Variants in MREG observed in about 807,000 individuals in gnomAD.
MREG encodes the protein dilute suppressor protein homolog.
In MREG, 31 loss-of-function variants were observed where a neutral mutation model predicts 28.5. The ratio of observed to expected loss-of-function variants is 1.09; its 90% CI spans 0.82 to 1.47. The LOEUF is 1.47. Among genes scored for constraint, MREG ranks in the 40% most tolerant of loss-of-function variants. The pLI is 0.00. For missense variants in MREG, 256 were observed against 257.4 expected, an observed-to-expected ratio of 0.99 and a Z score of 0.04; for synonymous variants, 106 against 95.2, an observed-to-expected ratio of 1.11 and a Z score of -0.66.
intron 1 of MREG, among the ~76,000 whole-genome samples, chr2:216,029,261 C>CCT (rs1317761084): frequency 2.6e-5 from 4 of 152,130 alleles, no homozygotes; most frequent in Non-Finnish European, 5.9e-5. Flanking sequence ...AGGCAGATCA[C>CCT]GAGGTCAAGA....
chr2:215,993,815 C>T (rs1272136979), intron 2 of MREG, among the ~76,000 whole-genome samples: 1 of 152,212 alleles, frequency 6.6e-6, no homozygotes, highest in Non-Finnish European at 1.5e-5. Context: ...ATGAAAAAAG[C>T]TCATCATCAC....
chr2:215,941,289 G>A (rs945511470), downstream of MREG, among the ~76,000 whole-genome samples: 10 of 152,182 alleles, frequency 6.6e-5, no homozygotes, highest in Non-Finnish European at 1.3e-4. Context: ...CTAAGTAGGG[G>A]GATGATTATT....
chr2:215,993,105 A>G (rs1193148415), intron 2 of MREG, among the ~76,000 whole-genome samples: 1 of 152,246 alleles, frequency 6.6e-6, no homozygotes, highest in Non-Finnish European at 1.5e-5. Context: ...CCGTATAGCC[A>G]AGACAATCCT....
chr2:215,998,309 A>G (rs960116988), intron 1 of MREG, among the ~76,000 whole-genome samples: 1 of 142,478 alleles, frequency 7.0e-6, no homozygotes, highest in Non-Finnish European at 1.5e-5. Flanking sequence ...CCATCTCACA[A>G]AAAAAAAAAA....
intron 1 of MREG, among the ~76,000 whole-genome samples, chr2:216,012,881 A>G (rs1297827978): frequency 6.6e-6 from 1 of 152,144 alleles, no homozygotes; most frequent in Admixed American, 6.6e-5. Context: ...ACTGTAATAT[A>G]CCGATCAAAT....
At chr2:215,977,113 G>A (rs1693283074) in intron 2 of MREG, among the ~76,000 whole-genome samples, 1 of 152,128 alleles carries the variant, frequency 6.6e-6, no homozygotes, top group Admixed American at 6.6e-5. Flanking sequence ...TGACCCATCA[G>A]GGTGCTGTAT....
intron 2 of MREG, among the ~76,000 whole-genome samples, chr2:215,970,193 G>C (rs929333966): frequency 6.6e-6 from 1 of 152,110 alleles, no homozygotes; most frequent in African/African-American, 2.4e-5. Flanking sequence ...CCAATAAGAA[G>C]GGGAAATTTA....
At position 215,944,849 on chromosome 2, in the gene MREG, C is replaced by A; in HGVS notation, c.*14G>T. On this transcript the variant is annotated 3_prime_UTR_variant, in exon 5 of 5. Coordinates refer to ENST00000263268, the MANE Select transcript of MREG (RefSeq NM_018000.3). ...CTCATGGAAGAATTCCCATTCTGCC[C>A]CTGAGCCTCTCCTTTAGGGACTTGG... The A allele has an allele frequency of 1.3e-6, 2 of 1,571,208 alleles. No individual in the cohort carries two copies. Among genetic ancestry groups the A allele is most frequent in the South Asian group, 1.1e-5 (1 of 87,902 alleles).
intron 2 of MREG, among the ~76,000 whole-genome samples, chr2:215,972,884 G>A (rs774342858): frequency 6.6e-6 from 1 of 152,114 alleles, no homozygotes; most frequent in Non-Finnish European, 1.5e-5. Flanking sequence ...AAATTCATCC[G>A]CCATTCACAC....
At position 216,013,421 on chromosome 2, in the gene MREG, A is replaced by G. The variant is rs1694372014; in HGVS notation, c.-94T>C. 1.2e-6 allele frequency: 1 copy of G among 853,682 alleles called. No homozygotes were observed. Among genetic ancestry groups the G allele is most frequent in the Non-Finnish European group, 1.6e-6 (1 of 643,382 alleles). The allele number at this position is 853,682 out of a possible 1,614,324, so 52.9% of individuals were successfully genotyped here. A position where few individuals can be genotyped will look rare whatever the true frequency, so the allele number is the denominator to read the frequency against. On this transcript the variant is annotated 5_prime_UTR_variant, in exon 1 of 5. Transcript: ENST00000263268. ...GGGCGCGGCCACCGCGCCAGCGTCC[A>G]GGTGCGGGGACAGCGGCAGCCCGGG...
chr2:215,969,346 A>G (rs1350546050), intron 2 of MREG, among the ~76,000 whole-genome samples: 1 of 152,212 alleles, frequency 6.6e-6, no homozygotes, highest in Non-Finnish European at 1.5e-5. Flanking sequence ...ACCCATGATC[A>G]ACATCTGAAC....
At chr2:216,011,800 T>C (rs1182159563) in intron 1 of MREG, among the ~76,000 whole-genome samples, 2 of 152,188 alleles carry the variant, frequency 1.3e-5, no homozygotes, top group African/African-American at 4.8e-5. Context: ...GCCTCTGAGG[T>C]TGAAACTAAG....
upstream of MREG, among the ~76,000 whole-genome samples, chr2:216,013,787 C>A (rs2105927204): frequency 6.6e-6 from 1 of 152,112 alleles, no homozygotes; most frequent in South Asian, 2.1e-4. Flanking sequence ...GGCTTCACTG[C>A]GCGAGGAAAT....
intron 1 of MREG, among the ~76,000 whole-genome samples, chr2:216,007,893 G>T (rs1835144): frequency 0.7 from 106,847 of 151,598 alleles, 37,889 homozygotes; most frequent in African/African-American, 0.76. Flanking sequence ...TGTTGATAGA[G>T]CAACAATATA....
chr2:215,976,125 G>C (rs1693251661), intron 2 of MREG, among the ~76,000 whole-genome samples: 1 of 151,842 alleles, frequency 6.6e-6, no homozygotes, highest in African/African-American at 2.4e-5. Context: ...AAAAAAAATG[G>C]GACAGTAGGA....
rs1287490059 is a variant in MREG, at chr2:216,013,286, G to A, written c.42C>T (p.Cys14=). Residue 14 remains cysteine, a synonymous_variant, in exon 1 of 5, where the codon TGC becomes TGT. Transcript: ENST00000263268. ...RDWLRTVCCC[C]GCECLEERAL... is the part of the protein sequence containing the mutation. ...CGCGCTCCTCCAAGCACTCGCACCC[G>A]CAGCAGCAGCACACGGTTCTCAGCC... 2.6e-6 allele frequency: 4 copies of A among 1,545,856 alleles called. No homozygotes were observed. Among genetic ancestry groups the A allele is most frequent in the South Asian group, 1.2e-5 (1 of 83,966 alleles).
chr2:215,987,461 A>G (rs1282353574), intron 2 of MREG, among the ~76,000 whole-genome samples: 1 of 152,006 alleles, frequency 6.6e-6, no homozygotes, highest in African/African-American at 2.4e-5. Flanking sequence ...TGGTCAGGCT[A>G]GTCTCAAACT....
rs996222272 is a variant in MREG at position 216,021,384 on chromosome 2, G to A, written c.-68+11405C>T. Among the ~76,000 whole-genome samples the A allele has an allele frequency of 4.6e-5, 7 of 152,142 alleles. 1 individual carries two copies. The South Asian group carries it at 8.3e-4, about 18-fold the overall frequency. On this transcript the variant is annotated intron_variant, in intron 1 of 3. Coordinates refer to the MREG transcript ENST00000420348. ...ATTACAGGCGTGAGCCACTGTACCC[G>A]GCTAAATCTGCATTTTTAAAAGGCT...
chr2:215,980,096 T>A (rs4505523), intron 2 of MREG, among the ~76,000 whole-genome samples: 1 of 151,810 alleles, frequency 6.6e-6, no homozygotes, highest in Non-Finnish European at 1.5e-5. Flanking sequence ...ACAAGCACAA[T>A]ACGCAGGAAA....
Sources: gnomAD v4.1 joint callset for allele counts (sites outside exome capture counted in the v4.1 genomes callset) on GRCh38, gnomAD v4.1.1 for gene constraint, MANE v1.5 for transcripts, NCBI Gene and HGNC (gene_info 2026-07-23, HGNC 2026-07-21) for gene names.